Variants in MAD1L1 observed in about 807,000 individuals in gnomAD.
MAD1L1 encodes the protein mitotic arrest deficient 1 like 1, also known as mitotic spindle assembly checkpoint protein MAD1.
MAD1L1 carries 95 observed loss-of-function variants against 96.9 expected under a neutral mutation model. That is an observed-to-expected ratio of 0.98 (90% CI 0.83 to 1.16). The LOEUF (loss-of-function observed/expected upper bound fraction) is 1.16. Among genes scored for constraint, MAD1L1 ranks in the 50% most tolerant of loss-of-function variants. The pLI is 0.00. For missense variants in MAD1L1, 1,007 were observed against 954.4 expected (o/e 1.06, Z -0.73); for synonymous variants, 473 against 396.6 (o/e 1.19, Z -2.29).
chr7:2,118,053 A>T (rs538502324), intron 11 of MAD1L1, among the ~76,000 whole-genome samples: 1 of 152,062 alleles, frequency 6.6e-6, no homozygotes, highest in African/African-American at 2.4e-5. Context: ...AGGCCACCCA[A>T]CTGCCCTAGG....
intron 12 of MAD1L1, among the ~76,000 whole-genome samples, chr7:2,056,143 A>G (rs1156536886): frequency 1.3e-5 from 2 of 152,222 alleles, no homozygotes; most frequent in Admixed American, 1.3e-4. Context: ...GAACATGATG[A>G]CTGTCTGACA....
At chr7:2,229,326 G>C (rs1007181108) in intron 3 of MAD1L1, among the ~76,000 whole-genome samples, 2 of 152,104 alleles carry the variant, frequency 1.3e-5, no homozygotes, top group African/African-American at 4.8e-5. Context: ...CCTACAACTT[G>C]GGGGCCCCAT....
intron 18 of MAD1L1, among the ~76,000 whole-genome samples, chr7:1,855,227 G>C (rs1171420119): frequency 6.6e-6 from 1 of 152,026 alleles, no homozygotes; most frequent in South Asian, 2.1e-4. Context: ...TGTCTCTGCC[G>C]CAGTGGCAGA....
intron 18 of MAD1L1, among the ~76,000 whole-genome samples, chr7:1,887,864 TGTGTGTGCAAGCATGC>T (rs565836575): frequency 0.018 from 465 of 25,596 alleles, 15 homozygotes; most frequent in African/African-American, 0.04. Flanking sequence ...TGTGTGCACG[TGTGTGTGCAAGCATGC>T]GTGTGTGTGG....
At chr7:1,910,041 T>C (rs1787917690) in intron 17 of MAD1L1, among the ~76,000 whole-genome samples, 1 of 152,008 alleles carries the variant, frequency 6.6e-6, no homozygotes, top group Admixed American at 6.5e-5. Context: ...AAAACTGATA[T>C]GAAAAGACAC....
At chr7:2,215,799 A>G in intron 9 of MAD1L1, 86 bp downstream of exon 9, 4 of 1,219,978 alleles carry the variant, frequency 3.3e-6, no homozygotes, top group South Asian at 1.2e-5. Context: ...GTAGGTGAGC[A>G]GCTGGTGGGC....
At chr7:1,943,258 T>C (rs2128467695) in intron 16 of MAD1L1, among the ~76,000 whole-genome samples, 1 of 152,256 alleles carries the variant, frequency 6.6e-6, no homozygotes, top group Admixed American at 6.5e-5. Flanking sequence ...AAATAACAGG[T>C]AATCAGACTT....
chr7:2,011,191 G>A (rs1782285261), intron 13 of MAD1L1, among the ~76,000 whole-genome samples: 1 of 151,906 alleles, frequency 6.6e-6, no homozygotes. Context: ...CCAACAGCCA[G>A]AGACACGCGG....
chr7:2,097,111 T>C (rs1425739040), intron 11 of MAD1L1, among the ~76,000 whole-genome samples: 4 of 152,066 alleles, frequency 2.6e-5, no homozygotes, highest in Non-Finnish European at 5.9e-5. Context: ...GCCTCCAGGC[T>C]CCTGGCTCCA....
intron 15 of MAD1L1, among the ~76,000 whole-genome samples, chr7:1,973,151 T>C (rs1194235851): frequency 6.6e-6 from 1 of 152,174 alleles, no homozygotes; most frequent in African/African-American, 2.4e-5. Context: ...CAGACACTGA[T>C]TAGGTCCTGC....
chr7:2,152,057 G>A (rs1404490737), intron 10 of MAD1L1, among the ~76,000 whole-genome samples: 1 of 152,216 alleles, frequency 6.6e-6, no homozygotes, highest in Non-Finnish European at 1.5e-5. Context: ...TGCCTGAGGT[G>A]GGTGTGACCT....
intron 18 of MAD1L1, among the ~76,000 whole-genome samples, chr7:1,869,759 G>A (rs1173571741): frequency 6.6e-6 from 1 of 152,186 alleles, no homozygotes; most frequent in Non-Finnish European, 1.5e-5. Flanking sequence ...GATCACGTGC[G>A]TGGGCTCCAT....
At chr7:1,988,342 G>A (rs1283301323) in intron 14 of MAD1L1, among the ~76,000 whole-genome samples, 1 of 152,168 alleles carries the variant, frequency 6.6e-6, no homozygotes, top group Non-Finnish European at 1.5e-5. Flanking sequence ...CGTTCAGGTG[G>A]CACACAGCAG....
chr7:1,917,944 GC>G (rs1036734822), intron 17 of MAD1L1, among the ~76,000 whole-genome samples: 3 of 152,146 alleles, frequency 2.0e-5, no homozygotes, highest in African/African-American at 7.2e-5. Flanking sequence ...GTTGCATCAG[GC>G]CCCACCCTGT....
At chr7:2,045,562 A>G (rs190987323) in intron 12 of MAD1L1, among the ~76,000 whole-genome samples, 44 of 152,368 alleles carry the variant, frequency 2.9e-4, no homozygotes, top group African/African-American at 8.4e-4. Flanking sequence ...TTGGAGGCTA[A>G]CCAGTGGATC....
At chr7:2,042,919 G>A (rs961706705) in intron 12 of MAD1L1, among the ~76,000 whole-genome samples, 4 of 151,332 alleles carry the variant, frequency 2.6e-5, no homozygotes, top group South Asian at 2.1e-4. Context: ...CCACGTCCAC[G>A]TCCACATCAA....
intron 10 of MAD1L1, among the ~76,000 whole-genome samples, chr7:2,165,810 C>T (rs1346433120): frequency 6.6e-6 from 1 of 152,126 alleles, no homozygotes; most frequent in African/African-American, 2.4e-5. Context: ...CTGAGGACCA[C>T]GGTGGGGCTT....
chr7:1,951,769 G>A lies in MAD1L1; in HGVS notation c.1596+5860C>T, dbSNP rs569120231. On this transcript the variant is annotated intron_variant, in intron 16 of 18. Transcript: ENST00000265854. ...CATGCTGCGGCAGGTGTCGGGACGC[G>A]CCTCCTCCTTGAGGCTGTATCTATC... is the stretch of plus-strand genomic sequence containing the variant. Among the ~76,000 whole-genome samples the A allele has an allele frequency of 9.2e-5, 14 of 152,220 alleles. No individual in the cohort carries two copies. In the South Asian group the frequency reaches 2.5e-3, roughly 27 times the overall value.
chr7:2,092,065 G>A (rs562580874), intron 11 of MAD1L1, among the ~76,000 whole-genome samples: 13 of 152,274 alleles, frequency 8.5e-5, no homozygotes, highest in South Asian at 6.2e-4. Context: ...AAGCTGCCAC[G>A]CTGCCTCAAA....
Sources: gnomAD v4.1 joint callset for allele counts (sites outside exome capture counted in the v4.1 genomes callset) on GRCh38, gnomAD v4.1.1 for gene constraint, MANE v1.5 for transcripts, NCBI Gene and HGNC (gene_info 2026-07-23, HGNC 2026-07-21) for gene names.